The following AFAP1L2 variants were observed in gnomAD, a reference collection of about 807,000 sequenced individuals.
AFAP1L2 encodes actin filament associated protein 1 like 2.
In AFAP1L2, 46 loss-of-function variants were observed where a neutral mutation model predicts 99.3. That is an observed-to-expected ratio of 0.46 (90% CI 0.37 to 0.59). AFAP1L2 has a LOEUF of 0.59. Ranked by LOEUF, AFAP1L2 falls within the 20% of genes least tolerant of loss-of-function variation. The pLI, the probability that AFAP1L2 is intolerant of heterozygous loss-of-function variation, is 0.00. For synonymous variants in AFAP1L2, 397 were observed against 419.1 expected, an observed-to-expected ratio of 0.95 and a Z score of 0.64; for missense variants, 959 against 1,034.9, an observed-to-expected ratio of 0.93 and a Z score of 1.01.
At chr10:114,285,862 G>A in the AFAP1L2 span, 19 of 1,415,046 alleles carry the variant, frequency 1.3e-5, no homozygotes, top group East Asian at 4.8e-5. Context: ...CCTGGGAGAT[G>A]TTCGGCATCT....
At chr10:114,296,290 A>T in intron 18 of AFAP1L2, 1 of 574,220 alleles carries the variant, frequency 1.7e-6, no homozygotes, top group Non-Finnish European at 3.1e-6. Context: ...GATGTCTCTC[A>T]CAGCAACAAG....
the AFAP1L2 span, chr10:114,284,899 CAT>C: frequency 7.5e-6 from 12 of 1,607,248 alleles, no homozygotes; most frequent in Admixed American, 3.4e-5. Flanking sequence ...AATGGAGGCA[CAT>C]GTGTTCCAGA....
intron 1 of AFAP1L2, among the ~76,000 whole-genome samples, chr10:114,397,632 C>A (rs2057851286): frequency 6.6e-6 from 1 of 152,142 alleles, no homozygotes; most frequent in African/African-American, 2.4e-5. Flanking sequence ...GTGGTAAAAC[C>A]AGGAAAGTCC....
chr10:114,344,409 T>G (rs752450078), intron 1 of AFAP1L2, among the ~76,000 whole-genome samples: 12 of 152,204 alleles, frequency 7.9e-5, no homozygotes, highest in Non-Finnish European at 1.8e-4. Context: ...ACTTCTGAAC[T>G]TCTCAAGGCT....
At chr10:114,376,514 C>G (rs1188798663) in intron 1 of AFAP1L2, among the ~76,000 whole-genome samples, 1 of 152,122 alleles carries the variant, frequency 6.6e-6, no homozygotes, top group Non-Finnish European at 1.5e-5. Context: ...TGGGGTAGAG[C>G]CTATTCAGCT....
At chr10:114,361,249 A>C (rs2052366201) in intron 1 of AFAP1L2, among the ~76,000 whole-genome samples, 1 of 152,174 alleles carries the variant, frequency 6.6e-6, no homozygotes, top group Admixed American at 6.5e-5. Context: ...GGACACAGCC[A>C]AACCATATCA....
At position 114,404,431 on chromosome 10, in the gene AFAP1L2, C is replaced by T. The variant is rs758317969; in HGVS notation, c.16+9G>A. The T allele has an allele frequency of 1.3e-6, 2 of 1,543,400 alleles. No individual in the cohort carries two copies. Among genetic ancestry groups the T allele is most frequent in the Non-Finnish European group, 8.7e-7 (1 of 1,146,314 alleles). Reference sequence around the variant, plus strand: ...GGGTGTGCGCCGCGCGAGGAACCCGCGCCCTCACCTTTGTACCGCTCCATC... The same window carrying T: ...GGGTGTGCGCCGCGCGAGGAACCCGTGCCCTCACCTTTGTACCGCTCCATC... On this transcript the variant is annotated intron_variant, in intron 1 of 18. Transcript: ENST00000304129.
chr10:114,367,115 G>C (rs960234824), intron 1 of AFAP1L2, among the ~76,000 whole-genome samples: 1 of 152,258 alleles, frequency 6.6e-6, no homozygotes, highest in Non-Finnish European at 1.5e-5. Flanking sequence ...CAAATGTGTG[G>C]GAGGTGAAGG....
At chr10:114,363,012 G>T in intron 1 of AFAP1L2, 1 of 985,436 alleles carries the variant, frequency 1.0e-6, no homozygotes, top group Non-Finnish European at 1.2e-6. Flanking sequence ...GGGAGGGACA[G>T]CTGCATGGAG....
intron 2 of AFAP1L2, among the ~76,000 whole-genome samples, chr10:114,335,579 C>T (rs924305607): frequency 3.3e-5 from 5 of 150,180 alleles, no homozygotes; most frequent in Non-Finnish European, 5.9e-5. Flanking sequence ...TGCCACTGCA[C>T]TCCAGCCTGG....
intron 16 of AFAP1L2, among the ~76,000 whole-genome samples, chr10:114,298,659 G>A (rs1386824108): frequency 1.3e-5 from 2 of 152,094 alleles, no homozygotes; most frequent in Non-Finnish European, 2.9e-5. Flanking sequence ...GACCAGCCTG[G>A]GCAACATTGC....
At chr10:114,372,537 T>A (rs1263276814) in intron 1 of AFAP1L2, among the ~76,000 whole-genome samples, 2 of 152,196 alleles carry the variant, frequency 1.3e-5, no homozygotes, top group African/African-American at 4.8e-5. Context: ...AAATACCTTC[T>A]CAATGACTTC....
At chr10:114,404,627 C>T, upstream of AFAP1L2, 2 of 888,122 alleles carry the variant, frequency 2.3e-6, no homozygotes, top group South Asian at 3.7e-5. Context: ...CGCCAGGGCT[C>T]GCCCCCAGCG....
chr10:114,378,545 C>T (rs769335937), intron 1 of AFAP1L2, among the ~76,000 whole-genome samples: 21 of 152,186 alleles, frequency 1.4e-4, no homozygotes, highest in African/African-American at 4.1e-4. Flanking sequence ...ATAATTTCTG[C>T]GTGAGAAATG....
At chr10:114,310,701 G>A (rs1009342193) in intron 7 of AFAP1L2, among the ~76,000 whole-genome samples, 5 of 152,146 alleles carry the variant, frequency 3.3e-5, no homozygotes, top group South Asian at 2.1e-4. Context: ...GGGCATGCGA[G>A]GGGGGGCCTT....
intron 1 of AFAP1L2, among the ~76,000 whole-genome samples, chr10:114,403,930 G>C (rs2058471201): frequency 6.6e-6 from 1 of 152,190 alleles, no homozygotes; most frequent in Non-Finnish European, 1.5e-5. Flanking sequence ...GTTTGGGGAG[G>C]CCCCACCTAG....
At chr10:114,369,606 A>C (rs932779660) in intron 1 of AFAP1L2, among the ~76,000 whole-genome samples, 3 of 151,844 alleles carry the variant, frequency 2.0e-5, no homozygotes, top group Non-Finnish European at 4.4e-5. Flanking sequence ...AAAAAAAAAA[A>C]AAAAAAAAAC....
chr10:114,299,268 T>A lies in AFAP1L2; in HGVS notation c.2105A>T (p.Lys702Ile), dbSNP rs1432157716. 1 of 1,614,088 alleles carries A rather than the reference T, an allele frequency of 6.2e-7. No individual in the cohort carries two copies. The highest frequency in any genetic ancestry group is 1.7e-5 in the Admixed American group (1 of 60,010). The change falls in exon 16 of 19, where the codon AAA becomes ATA. Residue 702 changes from lysine to isoleucine, a missense_variant. Physicochemically the swap from Lys to Ile is moderately radical, Grantham distance 102 (BLOSUM62 -3). Transcript: ENST00000304129. ...EKRELKETLL[K>I]CTDKEVLASL... The stretch of plus-strand genomic sequence containing the variant: ...ACTGGGGGCCCCCTTACCTGTGCAT[T>A]TCAGTAGGGTTTCCTTTAGCTCCCG...
intron 1 of AFAP1L2, among the ~76,000 whole-genome samples, chr10:114,361,997 T>C (rs1305951765): frequency 6.6e-6 from 1 of 152,216 alleles, no homozygotes; most frequent in Non-Finnish European, 1.5e-5. Context: ...ATTTTTTCTT[T>C]CTTATGATAA....
Sources: gnomAD v4.1 joint callset for allele counts (sites outside exome capture counted in the v4.1 genomes callset) on GRCh38, gnomAD v4.1.1 for gene constraint, MANE v1.5 for transcripts, NCBI Gene and HGNC (gene_info 2026-07-23, HGNC 2026-07-21) for gene names.